BLTP3B: variants seen among roughly 807,000 people sequenced by gnomAD.
The protein encoded by BLTP3B is bridge-like lipid transfer protein family member 3B.
the BLTP3B span, chr12:100,050,163 C>G: frequency 6.9e-7 from 1 of 1,447,528 alleles, no homozygotes; most frequent in Non-Finnish European, 9.1e-7. Context: ...AAAAAAAAAA[C>G]TTACCAACTG....
chr12:100,130,961 T>TAG, the BLTP3B span, among the ~76,000 whole-genome samples: 117 of 93,590 alleles, frequency 1.3e-3, no homozygotes, highest in South Asian at 1.5e-3. Flanking sequence ...TATATATATA[T>TAG]AGAGAGAGAG....
chr12:100,082,771 A>C, the BLTP3B span, among the ~76,000 whole-genome samples: 1 of 152,208 alleles, frequency 6.6e-6, no homozygotes, highest in Non-Finnish European at 1.5e-5. Flanking sequence ...TGTAATGAGA[A>C]CATGCTGTTT....
chr12:100,089,197 A>G, the BLTP3B span: 10 of 941,292 alleles, frequency 1.1e-5, no homozygotes, highest in East Asian at 2.6e-4. Context: ...AAATAACCAT[A>G]GTACATCTTA....
chr12:100,071,763 C>T, the BLTP3B span, among the ~76,000 whole-genome samples: 1 of 151,924 alleles, frequency 6.6e-6, no homozygotes, highest in African/African-American at 2.4e-5. Context: ...TTAAAACAGT[C>T]AAAAAAATTC....
At chr12:100,080,185 C>T in the BLTP3B span, among the ~76,000 whole-genome samples, 1 of 152,184 alleles carries the variant, frequency 6.6e-6, no homozygotes, top group Non-Finnish European at 1.5e-5. Flanking sequence ...AAGAAGGCCA[C>T]CGTCCTCCTG....
At chr12:100,047,696 G>C in the BLTP3B span, 1 of 1,293,960 alleles carries the variant, frequency 7.7e-7, no homozygotes, top group Non-Finnish European at 1.1e-6. Flanking sequence ...TTTTTAATGA[G>C]TTAAAGATAA....
the BLTP3B span, chr12:100,142,797 G>A: frequency 9.6e-7 from 1 of 1,045,962 alleles, no homozygotes; most frequent in Non-Finnish European, 1.3e-6. Context: ...AGCCGCCGCC[G>A]AGAACCCGGA....
chr12:100,072,927 T>G, the BLTP3B span: 1 of 1,133,128 alleles, frequency 8.8e-7, no homozygotes. Context: ...TAATGGTTAA[T>G]TTCCAGTGTA....
chr12:100,086,538 C>G, the BLTP3B span, among the ~76,000 whole-genome samples: 1 of 152,136 alleles, frequency 6.6e-6, no homozygotes, highest in Admixed American at 6.5e-5. Context: ...CTGAGCCCCC[C>G]TCATTTGTAA....
At chr12:100,039,950 T>A in the BLTP3B span, among the ~76,000 whole-genome samples, 1 of 152,196 alleles carries the variant, frequency 6.6e-6, no homozygotes, top group African/African-American at 2.4e-5. Context: ...AAGCTTATTC[T>A]CTGAAAAGAT....
At chr12:100,070,287 T>G in the BLTP3B span, 1 of 1,226,140 alleles carries the variant, frequency 8.2e-7, no homozygotes, top group South Asian at 2.0e-5. Context: ...TTTTAATTAA[T>G]TAATTTTTTT....
At chr12:100,127,857 T>G in the BLTP3B span, among the ~76,000 whole-genome samples, 1 of 151,856 alleles carries the variant, frequency 6.6e-6, no homozygotes, top group Non-Finnish European at 1.5e-5. Flanking sequence ...CTATAAAAAT[T>G]TAAAAACTCA....
At chr12:100,142,747 C>G in the BLTP3B span, 7 of 1,484,298 alleles carry the variant, frequency 4.7e-6, no homozygotes, top group Admixed American at 2.1e-5. Flanking sequence ...GCGCTGATCG[C>G]TCACGACCGG....
chr12:100,069,531 A>G, the BLTP3B span, among the ~76,000 whole-genome samples: 3 of 151,632 alleles, frequency 2.0e-5, 1 homozygote, highest in Admixed American at 2.0e-4. Flanking sequence ...TCAGCCATAA[A>G]AAGGAATGAA....
the BLTP3B span, among the ~76,000 whole-genome samples, chr12:100,094,208 A>C: frequency 6.6e-6 from 1 of 152,180 alleles, no homozygotes; most frequent in Non-Finnish European, 1.5e-5. Flanking sequence ...GGGTTCAAAC[A>C]ATCTTCATGC....
At chr12:100,123,153 G>C in the BLTP3B span, among the ~76,000 whole-genome samples, 1 of 152,114 alleles carries the variant, frequency 6.6e-6, no homozygotes, top group Non-Finnish European at 1.5e-5. Flanking sequence ...TCAGTCCCTA[G>C]CAGAGTGTCT....
the BLTP3B span, among the ~76,000 whole-genome samples, chr12:100,138,771 C>T: frequency 6.6e-6 from 1 of 152,216 alleles, no homozygotes; most frequent in Non-Finnish European, 1.5e-5. Context: ...AACTTCCCTA[C>T]CCCTTTTCAG....
At chr12:100,121,477 G>A in the BLTP3B span, among the ~76,000 whole-genome samples, 1 of 152,032 alleles carries the variant, frequency 6.6e-6, no homozygotes, top group Non-Finnish European at 1.5e-5. Flanking sequence ...GGAAACTTTT[G>A]AGGGTGGTGA....
At chr12:100,139,203 A>T in the BLTP3B span, among the ~76,000 whole-genome samples, 1 of 152,228 alleles carries the variant, frequency 6.6e-6, no homozygotes, top group African/African-American at 2.4e-5. Flanking sequence ...ACAAACTAAC[A>T]ATTAGGCAAG....
Sources: gnomAD v4.1 joint callset for allele counts (sites outside exome capture counted in the v4.1 genomes callset) on GRCh38, gnomAD v4.1.1 for gene constraint, MANE v1.5 for transcripts, NCBI Gene and HGNC (gene_info 2026-07-23, HGNC 2026-07-21) for gene names.